SRRM3: variants seen among roughly 807,000 people sequenced by gnomAD.
The protein encoded by SRRM3 is serine/arginine repetitive matrix 3.
In SRRM3, 27 loss-of-function variants were observed where a neutral mutation model predicts 66.2. That is an observed-to-expected ratio of 0.41 (90% CI 0.30 to 0.56). SRRM3 has a LOEUF of 0.56. SRRM3 is among the 20% of genes least tolerant of loss of function. The probability of loss-of-function intolerance (pLI) is 0.32; values close to 1 mark genes in which losing one functional copy is unlikely to be tolerated. For synonymous variants in SRRM3, 391 were observed against 414.9 expected (o/e 0.94, Z 0.70); for missense variants, 918 against 991.9 (o/e 0.93, Z 1.00).
At chr7:76,272,175 G>T (rs1243876725) in intron 11 of SRRM3, among the ~76,000 whole-genome samples, 1 of 152,136 alleles carries the variant, frequency 6.6e-6, no homozygotes, top group African/African-American at 2.4e-5. Context: ...GGCCCAAAAA[G>T]AGTATACAGA....
Position 76,205,180 on chromosome 7 carries a change from T to C in SRRM3, c.-40+3113T>C, listed in dbSNP as rs149134147. Among the ~76,000 whole-genome samples, 5 of 152,200 alleles carry C rather than the reference T, an allele frequency of 3.3e-5. No individual in the cohort carries two copies. The East Asian group carries it at 9.7e-4, about 29-fold the overall frequency. Reference sequence around the variant, plus strand: ...ACTGACCCAGCGCCTCTGCAGGGCTTGCCTCCTTTCTCTCTCTCTCTCTCT... The same window carrying C: ...ACTGACCCAGCGCCTCTGCAGGGCTCGCCTCCTTTCTCTCTCTCTCTCTCT... On this transcript the variant is annotated intron_variant, in intron 1 of 14. Coordinates refer to ENST00000611745, the MANE Select transcript of SRRM3 (RefSeq NM_001110199.3).
chr7:76,230,169 A>C (rs942274237), intron 1 of SRRM3, among the ~76,000 whole-genome samples: 1 of 152,176 alleles, frequency 6.6e-6, no homozygotes, highest in South Asian at 2.1e-4. Context: ...CCAGTGTTCT[A>C]TCCAGTCAAT....
chr7:76,244,055 G>A (rs1023091156), intron 2 of SRRM3, among the ~76,000 whole-genome samples: 1 of 152,240 alleles, frequency 6.6e-6, no homozygotes, highest in Non-Finnish European at 1.5e-5. Flanking sequence ...ACTTGGTGGA[G>A]CTAGGTTGGT....
At chr7:76,255,890 G>A (rs570533598) in intron 3 of SRRM3, among the ~76,000 whole-genome samples, 1 of 152,090 alleles carries the variant, frequency 6.6e-6, no homozygotes, top group African/African-American at 2.4e-5. Context: ...TTTTCTCCCC[G>A]GAAGAGATGT....
chr7:76,205,714 G>GA (rs1800285471), intron 1 of SRRM3, among the ~76,000 whole-genome samples: 1 of 152,200 alleles, frequency 6.6e-6, no homozygotes, highest in Non-Finnish European at 1.5e-5. Context: ...TTCTGGGCCA[G>GA]AAAGGACTCT....
chr7:76,245,873 T>C (rs1424113898), intron 2 of SRRM3, among the ~76,000 whole-genome samples: 3 of 152,106 alleles, frequency 2.0e-5, no homozygotes, highest in African/African-American at 7.2e-5. Context: ...TTTTTTTATA[T>C]TTTTGGTACA....
chr7:76,250,167 C>T (rs1226604953), intron 3 of SRRM3, among the ~76,000 whole-genome samples: 2 of 152,124 alleles, frequency 1.3e-5, no homozygotes, highest in African/African-American at 2.4e-5. Flanking sequence ...CCTCAGCCTC[C>T]TGAGTAGCTG....
chr7:76,207,567 T>C (rs1800333283), intron 1 of SRRM3, among the ~76,000 whole-genome samples: 1 of 152,148 alleles, frequency 6.6e-6, no homozygotes, highest in South Asian at 2.1e-4. Flanking sequence ...CTCTGATGTC[T>C]TTAAAGACTC....
At chr7:76,214,949 C>T (rs1268639852) in intron 1 of SRRM3, among the ~76,000 whole-genome samples, 3 of 150,764 alleles carry the variant, frequency 2.0e-5, no homozygotes, top group Non-Finnish European at 4.4e-5. Flanking sequence ...CTGTAAAGAC[C>T]TCAGAGGGAG....
chr7:76,275,497 C>CAAAAAAAAAA (rs35985626), intron 11 of SRRM3, among the ~76,000 whole-genome samples: 8 of 70,870 alleles, frequency 1.1e-4, no homozygotes, highest in Admixed American at 1.7e-4. Context: ...CCTGCTCCCT[C>CAAAAAAAAAA]AAAAAAAAAA....
At chr7:76,230,005 G>A (rs1356363675) in intron 1 of SRRM3, among the ~76,000 whole-genome samples, 4 of 152,068 alleles carry the variant, frequency 2.6e-5, no homozygotes, top group Non-Finnish European at 5.9e-5. Flanking sequence ...GCCTCCCAAA[G>A]TGCTGGGATT....
intron 11 of SRRM3, among the ~76,000 whole-genome samples, chr7:76,281,227 T>C (rs1554611834): frequency 6.6e-6 from 1 of 151,276 alleles, no homozygotes. Context: ...TCTCCGTCTC[T>C]TTTTCTCTGT....
chr7:76,249,084 G>A (rs1474546868), intron 3 of SRRM3, among the ~76,000 whole-genome samples: 2 of 152,058 alleles, frequency 1.3e-5, no homozygotes, highest in Non-Finnish European at 2.9e-5. Context: ...CCAATGGCTT[G>A]GTGGCTAAAG....
intron 3 of SRRM3, among the ~76,000 whole-genome samples, chr7:76,258,006 G>A (rs1166254347): frequency 5.3e-5 from 8 of 152,236 alleles, no homozygotes; most frequent in South Asian, 4.1e-4. Flanking sequence ...AAAAAGAAGC[G>A]CTCTGAGAAG....
At chr7:76,244,515 C>T (rs1554605974) in intron 2 of SRRM3, among the ~76,000 whole-genome samples, 1 of 103,498 alleles carries the variant, frequency 9.7e-6, no homozygotes, top group Non-Finnish European at 2.0e-5. Flanking sequence ...CAGAGCAAGA[C>T]TCCATCTCAA....
Position 76,212,615 on chromosome 7 carries a change from C to G in SRRM3, c.-40+10548C>G, listed in dbSNP as rs1800462470. Among the ~76,000 whole-genome samples the G allele has an allele frequency of 1.3e-5, 2 of 150,898 alleles. 1 individual carries two copies. Among genetic ancestry groups the G allele is most frequent in the South Asian group, 4.2e-4 (2 of 4,748 alleles). On this transcript the variant is annotated intron_variant, in intron 1 of 14. Transcript: ENST00000611745. ...TCCCAAGTAGCTGGGATTACAGGCACCCGCCACCATGCCCGGCTAATTTTT... is the reference window on the plus strand; with the variant it reads ...TCCCAAGTAGCTGGGATTACAGGCAGCCGCCACCATGCCCGGCTAATTTTT...
chr7:76,203,662 A>G (rs1021280358), intron 1 of SRRM3, among the ~76,000 whole-genome samples: 1 of 152,096 alleles, frequency 6.6e-6, no homozygotes, highest in Non-Finnish European at 1.5e-5. Context: ...GCAACGGTTG[A>G]CTCAGCTAAT....
intron 11 of SRRM3, 53 bp downstream of exon 11, chr7:76,267,488 G>A (rs1444294984): frequency 7.1e-6 from 9 of 1,270,450 alleles, no homozygotes; most frequent in Non-Finnish European, 9.0e-6. Flanking sequence ...TGCGCCGTGC[G>A]TGGTCGGGCG....
intron 1 of SRRM3, among the ~76,000 whole-genome samples, chr7:76,203,346 G>A (rs2116915922): frequency 6.6e-6 from 1 of 152,292 alleles, no homozygotes; most frequent in Middle Eastern, 3.4e-3. Context: ...ATCAAATCTA[G>A]GTTATGTGAC....
Sources: allele counts gnomAD v4.1 joint callset (sites outside exome capture counted in the v4.1 genomes callset), GRCh38; gene constraint gnomAD v4.1.1; transcripts MANE v1.5; gene names NCBI Gene and HGNC (gene_info 2026-07-23, HGNC 2026-07-21).